The following RAB38 variants were observed in gnomAD, a reference collection of about 807,000 sequenced individuals.
The protein encoded by RAB38 is RAB38, member RAS oncogene family.
A neutral mutation model predicts 18.4 loss-of-function variants in RAB38; 15 were observed. The ratio of observed to expected loss-of-function variants is 0.82; its 90% CI spans 0.55 to 1.26. The LOEUF is 1.26. Ranked by LOEUF, RAB38 falls within the 50% of genes most tolerant of loss-of-function variation. The pLI, the probability that RAB38 is intolerant of heterozygous loss-of-function variation, is 0.00. For missense variants in RAB38, 294 were observed against 267.4 expected, an observed-to-expected ratio of 1.10 and a Z score of -0.69; for synonymous variants, 101 against 104.4, an observed-to-expected ratio of 0.97 and a Z score of 0.20.
At chr11:87,868,615 G>GAGAGAGAGAAGGAGAGAA in the RAB38 span, among the ~76,000 whole-genome samples, 1 of 136,234 alleles carries the variant, frequency 7.3e-6, no homozygotes, top group Non-Finnish European at 1.6e-5. Flanking sequence ...GAGAGAGAGA[G>GAGAGAGAGAAGGAGAGAA]AGAGAGAGAA....
At chr11:87,913,169 T>G in the RAB38 span, among the ~76,000 whole-genome samples, 3 of 151,718 alleles carry the variant, frequency 2.0e-5, no homozygotes, top group Non-Finnish European at 2.9e-5. Context: ...TCTACTATGG[T>G]TGGGTGGAGT....
At chr11:88,028,184 A>G in the RAB38 span, among the ~76,000 whole-genome samples, 8 of 152,346 alleles carry the variant, frequency 5.3e-5, no homozygotes, top group Admixed American at 4.6e-4. Context: ...TGTTAGAAGG[A>G]AAACTAACAA....
chr11:88,151,383 AACAAAAATG>A (rs894439834), intron 1 of RAB38, among the ~76,000 whole-genome samples: 5 of 152,216 alleles, frequency 3.3e-5, no homozygotes, highest in Non-Finnish European at 7.3e-5. Context: ...TCAGCTGAAT[AACAAAAATG>A]AACAAAATCC....
chr11:87,865,158 G>A, the RAB38 span, among the ~76,000 whole-genome samples: 1 of 151,486 alleles, frequency 6.6e-6, no homozygotes, highest in African/African-American at 2.4e-5. Flanking sequence ...TGAAGAAATG[G>A]GGTATAATGG....
chr11:87,943,257 A>G, the RAB38 span, among the ~76,000 whole-genome samples: 15 of 152,298 alleles, frequency 9.8e-5, no homozygotes, highest in East Asian at 1.9e-3. Flanking sequence ...ACTGTAGACC[A>G]TTGAGTGAAG....
the RAB38 span, among the ~76,000 whole-genome samples, chr11:87,942,307 T>C: frequency 1.3e-5 from 2 of 152,144 alleles, no homozygotes; most frequent in Non-Finnish European, 2.9e-5. Flanking sequence ...GCTGGTTTAC[T>C]CACCAAACTG....
the RAB38 span, among the ~76,000 whole-genome samples, chr11:87,916,267 A>T: frequency 6.6e-6 from 1 of 151,970 alleles, no homozygotes; most frequent in African/African-American, 2.4e-5. Flanking sequence ...TCGCCATCAG[A>T]CTCAGGTTGA....
At chr11:88,168,796 C>T (rs1182946758) in intron 1 of RAB38, among the ~76,000 whole-genome samples, 2 of 152,162 alleles carry the variant, frequency 1.3e-5, no homozygotes. Flanking sequence ...CTTTTGACTT[C>T]ACCAGGCCTC....
At chr11:87,951,603 TTTCCTTCTAACAGACAGGACCCCCAGC>T in the RAB38 span, among the ~76,000 whole-genome samples, 3 of 152,176 alleles carry the variant, frequency 2.0e-5, no homozygotes, top group African/African-American at 7.2e-5. Flanking sequence ...GTTTGTTAGT[TTTCCTTCTAACAGACAGGACCCCCAGC>T]TGCAGGTCTG....
rs559636219 is a variant in RAB38, at chr11:88,162,689, T to C, written c.202+12494A>G. ...AGAACATACAGCTGGTTACTAGTTT[T>C]GTTCTATAACTAGAAAAAAATCCTT... is the stretch of plus-strand genomic sequence containing the variant. On this transcript the variant is annotated intron_variant, in intron 1 of 2. Transcript: ENST00000243662. 1.3e-3 allele frequency among the ~76,000 whole-genome samples: 199 copies of C among 152,226 alleles called. 2 individuals carry two copies. Among genetic ancestry groups the C allele is most frequent in the African/African-American group, 4.6e-3 (193 of 41,558 alleles).
the RAB38 span, among the ~76,000 whole-genome samples, chr11:87,945,092 A>T: frequency 6.6e-6 from 1 of 152,260 alleles, no homozygotes; most frequent in East Asian, 1.9e-4. Flanking sequence ...TAAATTTTTC[A>T]TCTGACCACA....
chr11:87,864,760 T>G, the RAB38 span, among the ~76,000 whole-genome samples: 8 of 151,802 alleles, frequency 5.3e-5, no homozygotes, highest in African/African-American at 1.9e-4. Flanking sequence ...TGGAAGACTT[T>G]CAAATATTGA....
At chr11:88,120,928 C>T (rs991041969) in intron 2 of RAB38, among the ~76,000 whole-genome samples, 16 of 152,294 alleles carry the variant, frequency 1.1e-4, no homozygotes, top group African/African-American at 2.9e-4. Context: ...TTAGGTATCA[C>T]TAATTCGCCC....
At chr11:87,971,562 T>G in the RAB38 span, among the ~76,000 whole-genome samples, 1 of 152,098 alleles carries the variant, frequency 6.6e-6, no homozygotes, top group Non-Finnish European at 1.5e-5. Context: ...CTCTTGCCTT[T>G]ATGACCTGGT....
downstream of RAB38, among the ~76,000 whole-genome samples, chr11:88,109,847 T>C (rs193295371): frequency 6.6e-6 from 1 of 152,146 alleles, no homozygotes; most frequent in Non-Finnish European, 1.5e-5. Flanking sequence ...AGAATGGTGA[T>C]CATTAAAAAT....
At chr11:87,923,563 G>A in the RAB38 span, among the ~76,000 whole-genome samples, 2 of 151,134 alleles carry the variant, frequency 1.3e-5, no homozygotes, top group Non-Finnish European at 2.9e-5. Context: ...GTGTGTGTGT[G>A]TGTGTGTGTG....
chr11:88,047,286 A>G, the RAB38 span, among the ~76,000 whole-genome samples: 1 of 152,092 alleles, frequency 6.6e-6, no homozygotes, highest in Non-Finnish European at 1.5e-5. Flanking sequence ...CCTGACTCCC[A>G]TGACTGTATC....
the RAB38 span, among the ~76,000 whole-genome samples, chr11:87,973,162 A>G: frequency 6.6e-6 from 1 of 152,070 alleles, no homozygotes; most frequent in Non-Finnish European, 1.5e-5. Flanking sequence ...GTGAGAATGG[A>G]CTAATACACA....
chr11:87,938,772 G>A, the RAB38 span, among the ~76,000 whole-genome samples: 4 of 151,408 alleles, frequency 2.6e-5, no homozygotes, highest in African/African-American at 4.8e-5. Flanking sequence ...GCAAGTATAC[G>A]TAAGGCGAAA....
Sources: gnomAD v4.1 joint callset for allele counts (sites outside exome capture counted in the v4.1 genomes callset) on GRCh38, gnomAD v4.1.1 for gene constraint, MANE v1.5 for transcripts, NCBI Gene and HGNC (gene_info 2026-07-23, HGNC 2026-07-21) for gene names.